MAX: variants seen among roughly 807,000 people sequenced by gnomAD.
The protein encoded by MAX is MYC associated transcriptional regulator X, also known as protein max.
In MAX, 3 loss-of-function variants were observed where a neutral mutation model predicts 22.3. The ratio of observed to expected loss-of-function variants is 0.13; its 90% CI spans 0.06 to 0.35. The LOEUF (loss-of-function observed/expected upper bound fraction) is 0.35. Ranked by LOEUF, MAX falls within the 10% of genes least tolerant of loss-of-function variation. The probability of loss-of-function intolerance (pLI) is 1.00; values close to 1 mark genes in which losing one functional copy is unlikely to be tolerated. For synonymous variants in MAX, 72 were observed against 77.7 expected (o/e 0.93, Z 0.39); for missense variants, 119 against 209.4 (o/e 0.57, Z 2.66).
At chr14:65,015,775 T>C in intron 3 of MAX, 1 of 1,574,588 alleles carries the variant, frequency 6.4e-7, no homozygotes, top group Admixed American at 1.7e-5. Context: ...GAGTTTGGGA[T>C]TTTGTTTTGT....
In MAX at chr14:65,014,039, G is replaced by A. The variant is rs1392239500; in HGVS notation, c.172-7755C>T. 2.6e-5 allele frequency among the ~76,000 whole-genome samples: 4 copies of A among 152,198 alleles called. No homozygotes were observed. Among genetic ancestry groups the A allele is most frequent in the Non-Finnish European group, 4.4e-5 (3 of 68,038 alleles). ...AGTAGCTCACCAGCCTACCTTCCAG[G>A]TGGTGGGTTAGCCACAGCTTGGGAT... On this transcript the variant is annotated intron_variant, in intron 3 of 3. Transcript: ENST00000341653. This position sits in a 1 kb window ranked among gnomAD's most constrained non-coding sequence, Gnocchi z 5.1.
rs970772967 is a variant in MAX, at chr14:65,029,040, A to G, written c.172-22756T>C. Among the ~76,000 whole-genome samples the G allele has an allele frequency of 7.3e-5, 11 of 151,250 alleles. No individual in the cohort carries two copies. The highest frequency in any genetic ancestry group is 5.9e-5 in the Non-Finnish European group (4 of 67,826). ...TTTTTTTTCCCTATGCTCTTTATTTATATGTTCTAGATAAATGCTAGGAAA... is the reference window on the plus strand; with the variant it reads ...TTTTTTTTCCCTATGCTCTTTATTTGTATGTTCTAGATAAATGCTAGGAAA... On this transcript the variant is annotated intron_variant, in intron 3 of 3. Transcript: ENST00000341653. This position sits in a 1 kb window ranked among gnomAD's most constrained non-coding sequence, Gnocchi z 4.7.
intron 3 of MAX, among the ~76,000 whole-genome samples, chr14:65,063,804 A>G (rs896579674): frequency 2.6e-5 from 4 of 152,190 alleles, no homozygotes; most frequent in South Asian, 2.1e-4. Flanking sequence ...GGCTCAAGCA[A>G]TCTTCCTGCC....
chr14:65,021,583 G>A (rs940995014), intron 3 of MAX, among the ~76,000 whole-genome samples: 2 of 152,060 alleles, frequency 1.3e-5, no homozygotes, highest in Non-Finnish European at 2.9e-5. Flanking sequence ...TCTACAGGAC[G>A]GTCCCTGCAC....
rs4902359 is a variant in MAX, at chr14:65,076,072, G to A, written c.*404C>T. 0.41 allele frequency: 492,799 copies of A among 1,214,674 alleles called. 106,086 individuals carry two copies. The highest frequency in any genetic ancestry group is 0.78 in the African/African-American group (50,719 of 65,270). 75.2% of individuals were successfully genotyped at this position (1,214,674 alleles called of 1,614,324 possible). A position where few individuals can be genotyped will look rare whatever the true frequency, so the allele number is the denominator to read the frequency against. ...CACAAAGTCTATCAGAGGTGAGGGC[G>A]GGCCAGGAGGCCACCTGGGCAGGGC... On this transcript the variant is annotated 3_prime_UTR_variant, in exon 5 of 5. Transcript: ENST00000358664. This position sits in a 1 kb window ranked among gnomAD's most constrained non-coding sequence, Gnocchi z 6.6.
At position 65,076,239 on chromosome 14, in the gene MAX, G is replaced by C; in HGVS notation, c.*237C>G. 7.0e-7 allele frequency: 1 copy of C among 1,427,948 alleles called. No homozygotes were observed. Among genetic ancestry groups the C allele is most frequent in the Non-Finnish European group, 9.1e-7 (1 of 1,097,156 alleles). 88.5% of individuals were successfully genotyped at this position (1,427,948 alleles called of 1,614,324 possible). On this transcript the variant is annotated 3_prime_UTR_variant, in exon 5 of 5. Transcript: ENST00000358664. This position sits in a 1 kb window ranked among gnomAD's most constrained non-coding sequence, Gnocchi z 6.6. ...GGGGTGTTTTGGTTTAAAAATTCCT[G>C]TTGGGGACAGGGAATCCCTGAAGGG...
rs112687927 is a variant in MAX at position 65,012,257 on chromosome 14, C to T, written c.172-5973G>A. 78 of 1,601,584 alleles carry T rather than the reference C, an allele frequency of 4.9e-5. No homozygotes were observed. The highest frequency in any genetic ancestry group is 6.2e-5 in the Non-Finnish European group (72 of 1,169,534). ...ACCCGTGTGTGTGTACGTGCACATA[C>T]GTGTGTATGGTGGAAGCATAAGCTA... On this transcript the variant is annotated intron_variant, in intron 3 of 3. Coordinates refer to the MAX transcript ENST00000341653. The surrounding 1 kb of genome is among the most constrained non-coding windows in gnomAD (Gnocchi z 5.0).
intron 3 of MAX, among the ~76,000 whole-genome samples, chr14:65,040,130 C>T (rs1417574472): frequency 6.6e-6 from 1 of 152,122 alleles, no homozygotes; most frequent in Non-Finnish European, 1.5e-5. Context: ...GTTGAGGCTG[C>T]AGTGAGCCAT....
At chr14:65,049,303 C>T (rs1048065307) in intron 3 of MAX, among the ~76,000 whole-genome samples, 2 of 152,110 alleles carry the variant, frequency 1.3e-5, no homozygotes, top group South Asian at 2.1e-4. Flanking sequence ...TCTTGCCTAC[C>T]TGTGAAATTG....
chr14:65,037,768 A>AT (rs1170786374), intron 3 of MAX, among the ~76,000 whole-genome samples: 2 of 140,844 alleles, frequency 1.4e-5, no homozygotes, highest in Non-Finnish European at 3.0e-5. Context: ...TTATTTATTT[A>AT]TTTATTTATT....
chr14:65,015,804 G>T, intron 3 of MAX: 2 of 1,482,106 alleles, frequency 1.3e-6, no homozygotes, highest in African/African-American at 1.4e-5. Flanking sequence ...TGTTTGTTTG[G>T]AATGGAAAAA....
At chr14:65,048,223 T>C (rs532466459) in intron 3 of MAX, among the ~76,000 whole-genome samples, 2 of 151,964 alleles carry the variant, frequency 1.3e-5, no homozygotes, top group South Asian at 4.2e-4. Flanking sequence ...CCTCAAGTGA[T>C]CCACCTTCCT....
intron 3 of MAX, chr14:65,040,728 T>C: frequency 6.4e-7 from 1 of 1,571,974 alleles, no homozygotes; most frequent in Non-Finnish European, 8.7e-7. Flanking sequence ...CCTAGGATGG[T>C]CCTGGTCTTG....
intron 3 of MAX, among the ~76,000 whole-genome samples, chr14:65,081,310 A>C (rs1402928884): frequency 6.6e-6 from 1 of 152,208 alleles, no homozygotes; most frequent in East Asian, 1.9e-4. Flanking sequence ...AAATACAGAA[A>C]TACCCCAAAT....
rs2061683728 is a variant in MAX at position 65,011,514 on chromosome 14, A to G, written c.172-5230T>C. The stretch of plus-strand genomic sequence containing the variant: ...TGGGAATTTGATAAACAATTGTGGA[A>G]TTGACTACCTAGCAAAGGGAATGGT... On this transcript the variant is annotated intron_variant, in intron 3 of 3. Transcript: ENST00000341653. The surrounding 1 kb of genome is among the most constrained non-coding windows in gnomAD (Gnocchi z 4.0). 6.6e-6 allele frequency among the ~76,000 whole-genome samples: 1 copy of G among 151,920 alleles called. No individual in the cohort carries two copies. Among genetic ancestry groups the G allele is most frequent in the Non-Finnish European group, 1.5e-5 (1 of 68,010 alleles).
intron 3 of MAX, chr14:65,061,447 T>G: frequency 7.2e-7 from 1 of 1,396,674 alleles, no homozygotes; most frequent in Non-Finnish European, 9.4e-7. Context: ...GGTACTTTCT[T>G]GTCAAACAAA....
At position 65,075,657 on chromosome 14, in the gene MAX, T is replaced by C; in HGVS notation, c.*819A>G. 8 of 1,066,392 alleles carry C rather than the reference T, an allele frequency of 7.5e-6. No homozygotes were observed. The highest frequency in any genetic ancestry group is 4.5e-5 in the South Asian group (1 of 21,994). 66.1% of individuals were successfully genotyped at this position (1,066,392 alleles called of 1,614,324 possible). On this transcript the variant is annotated 3_prime_UTR_variant, in exon 5 of 5. Coordinates refer to ENST00000358664, the MANE Select transcript of MAX (RefSeq NM_002382.5). This position sits in a 1 kb window ranked among gnomAD's most constrained non-coding sequence, Gnocchi z 4.1. ...GTAGCAGGAAATAAATATCAAAACA[T>C]CATCACTGGCCCTCAATACAAAACC...
intron 3 of MAX, among the ~76,000 whole-genome samples, chr14:65,049,825 CAACT>C (rs1417558520): frequency 6.6e-6 from 1 of 152,048 alleles, no homozygotes; most frequent in East Asian, 1.9e-4. Context: ...CCATACCACA[CAACT>C]TACCTATTCA....
rs2063041792 is a variant in MAX, at chr14:65,075,767, T to A, written c.*709A>T. The A allele has an allele frequency of 9.4e-7, 1 of 1,066,132 alleles. No homozygotes were observed. The highest frequency in any genetic ancestry group is 1.1e-6 in the Non-Finnish European group (1 of 879,694). 66.0% of individuals were successfully genotyped at this position (1,066,132 alleles called of 1,614,324 possible). On this transcript the variant is annotated 3_prime_UTR_variant, in exon 5 of 5. Coordinates refer to ENST00000358664, the MANE Select transcript of MAX (RefSeq NM_002382.5). This position sits in a 1 kb window ranked among gnomAD's most constrained non-coding sequence, Gnocchi z 4.1. Reference sequence around the variant, plus strand: ...GCTGCTTCACTGCTGCCATCTCCCATACATACCACGAGAGTGTCACACGGC... The same window carrying A: ...GCTGCTTCACTGCTGCCATCTCCCAAACATACCACGAGAGTGTCACACGGC...
Sources: allele counts gnomAD v4.1 joint callset (sites outside exome capture counted in the v4.1 genomes callset), GRCh38; gene constraint gnomAD v4.1.1; non-coding constraint Gnocchi (gnomAD v3.1); transcripts MANE v1.5; gene names NCBI Gene and HGNC (gene_info 2026-07-23, HGNC 2026-07-21).